Variants in TENM3 observed in about 807,000 individuals in gnomAD.
TENM3 encodes teneurin-3.
A neutral mutation model predicts 255.1 loss-of-function variants in TENM3; 63 were observed. The ratio of observed to expected loss-of-function variants is 0.25; its 90% confidence interval spans 0.20 to 0.30. TENM3 has a LOEUF of 0.30. Ranked by LOEUF, TENM3 falls within the 10% of genes least tolerant of loss-of-function variation. TENM3 has a pLI of 1.00. For missense variants in TENM3, 2,929 were observed against 3,461.1 expected, an observed-to-expected ratio of 0.85 and a Z score of 3.86; for synonymous variants, 1,306 against 1,322.3, an observed-to-expected ratio of 0.99 and a Z score of 0.27.
the TENM3 span, among the ~76,000 whole-genome samples, chr4:181,815,709 A>G: frequency 2.6e-4 from 40 of 152,184 alleles, no homozygotes; most frequent in African/African-American, 8.9e-4. Context: ...AGAAATAAGC[A>G]GAGGGTGGGG....
intron 1 of TENM3, among the ~76,000 whole-genome samples, chr4:182,321,197 C>G (rs1165696498): frequency 6.6e-6 from 1 of 152,186 alleles, no homozygotes; most frequent in African/African-American, 2.4e-5. Flanking sequence ...TTTATTCACT[C>G]TGTCAGAAAG....
At chr4:181,864,654 A>G in the TENM3 span, among the ~76,000 whole-genome samples, 1 of 152,174 alleles carries the variant, frequency 6.6e-6, no homozygotes, top group Non-Finnish European at 1.5e-5. Flanking sequence ...TCAGAGCCAA[A>G]TAAAATAGGG....
the TENM3 span, among the ~76,000 whole-genome samples, chr4:181,466,118 TTTTGTTTTG>T: frequency 2.3e-5 from 3 of 128,766 alleles, no homozygotes; most frequent in Admixed American, 2.2e-4. Flanking sequence ...GAATTTTTTT[TTTTGTTTTG>T]TTTTTTTGAG....
Position 182,324,193 on chromosome 4 carries a change from T to C in TENM3, c.173T>C (p.Leu58Pro). The C allele has an allele frequency of 6.2e-7, 1 of 1,614,002 alleles. No homozygotes were observed. The highest frequency in any genetic ancestry group is 1.1e-5 in the South Asian group (1 of 91,074). The change falls in exon 2 of 28, where the codon CTT (leucine) becomes CCT (proline). Residue 58 changes from leucine to proline, a missense_variant. Physicochemically the swap from Leu to Pro is moderately conservative, Grantham distance 98. This residue lies in a region of TENM3 where 283 missense variants were observed against 256.9 expected (regional missense o/e 1.10). Transcript: ENST00000511685. ...KAFDHDSSRL[L>P]YGNRVKDLVH... The stretch of plus-strand genomic sequence containing the variant: ...TTTGATCATGATTCCTCGCGGCTGC[T>C]TTACGGCAACAGAGTGAAGGATTTG...
the TENM3 span, among the ~76,000 whole-genome samples, chr4:182,134,714 T>C: frequency 6.6e-6 from 1 of 152,220 alleles, no homozygotes; most frequent in Non-Finnish European, 1.5e-5. Context: ...TGGCTTCTTA[T>C]GTTTTTCACT....
chr4:181,658,367 C>G, the TENM3 span, among the ~76,000 whole-genome samples: 1 of 152,248 alleles, frequency 6.6e-6, no homozygotes, highest in South Asian at 2.1e-4. Context: ...CACAGAATAA[C>G]CGTCCATATA....
intron 3 of TENM3, among the ~76,000 whole-genome samples, chr4:182,580,351 G>C (rs528458326): frequency 6.6e-6 from 1 of 152,220 alleles, no homozygotes; most frequent in Admixed American, 6.5e-5. Context: ...TAAATTCACT[G>C]TCTCATGTAC....
At chr4:181,528,958 A>G in the TENM3 span, among the ~76,000 whole-genome samples, 2 of 152,236 alleles carry the variant, frequency 1.3e-5, no homozygotes, top group African/African-American at 4.8e-5. Context: ...ATATATGTCT[A>G]TATTTAACAG....
At chr4:182,377,841 G>A (rs1471561186) in intron 3 of TENM3, among the ~76,000 whole-genome samples, 1 of 152,136 alleles carries the variant, frequency 6.6e-6, no homozygotes, top group Non-Finnish European at 1.5e-5. Flanking sequence ...TACTCTCTTA[G>A]TATATCACAA....
intron 3 of TENM3, among the ~76,000 whole-genome samples, chr4:182,366,058 A>G (rs940521231): frequency 6.6e-5 from 10 of 152,188 alleles, no homozygotes; most frequent in African/African-American, 2.2e-4. Flanking sequence ...GTGACTGTAG[A>G]GATATAGATA....
At chr4:181,908,082 G>A in the TENM3 span, among the ~76,000 whole-genome samples, 1 of 152,020 alleles carries the variant, frequency 6.6e-6, no homozygotes, top group African/African-American at 2.4e-5. Context: ...ATACCTGGGA[G>A]TGCAAGTCAC....
chr4:181,625,146 G>A, the TENM3 span, among the ~76,000 whole-genome samples: 1 of 152,192 alleles, frequency 6.6e-6, no homozygotes, highest in African/African-American at 2.4e-5. Flanking sequence ...CCTTCACATG[G>A]CAGAAGAGTG....
chr4:181,711,141 A>T, the TENM3 span, among the ~76,000 whole-genome samples: 1 of 152,208 alleles, frequency 6.6e-6, no homozygotes, highest in East Asian at 1.9e-4. Context: ...TGGCTTTTGT[A>T]TTCTAGCTGA....
At chr4:181,483,342 G>T in the TENM3 span, among the ~76,000 whole-genome samples, 2 of 152,052 alleles carry the variant, frequency 1.3e-5, no homozygotes, top group African/African-American at 2.4e-5. Context: ...CAATTAGTAC[G>T]TTCACACTAT....
the TENM3 span, among the ~76,000 whole-genome samples, chr4:182,135,095 A>C: frequency 6.6e-6 from 1 of 151,368 alleles, no homozygotes; most frequent in Non-Finnish European, 1.5e-5. Context: ...AATCCCAGCT[A>C]CTAGGAAGGC....
At chr4:182,088,693 G>T in the TENM3 span, among the ~76,000 whole-genome samples, 5 of 152,138 alleles carry the variant, frequency 3.3e-5, no homozygotes, top group African/African-American at 1.2e-4. Flanking sequence ...AATTCACTGG[G>T]CGTGGTGGCA....
rs551292739 is a variant in TENM3 at position 182,509,979 on chromosome 4, T to C, written c.512-90945T>C. On this transcript the variant is annotated intron_variant, in intron 3 of 27. Coordinates refer to ENST00000511685, the MANE Select transcript of TENM3 (RefSeq NM_001080477.4). Reference sequence around the variant, plus strand: ...AAAAATGTAGGGAGATACAGGTATATTGTTTGTAATTCAGATCTAAGATTA... The same window carrying C: ...AAAAATGTAGGGAGATACAGGTATACTGTTTGTAATTCAGATCTAAGATTA... Among the ~76,000 whole-genome samples the C allele has an allele frequency of 6.6e-5, 10 of 150,782 alleles. No individual in the cohort carries two copies. In the East Asian group the frequency reaches 1.9e-3, roughly 29 times the overall value.
the TENM3 span, among the ~76,000 whole-genome samples, chr4:182,050,322 T>A: frequency 2.8e-3 from 424 of 152,302 alleles, 1 homozygote; most frequent in Non-Finnish European, 3.7e-3. Context: ...AATTTGTGTG[T>A]ATCCCTTGTT....
At chr4:181,523,184 T>C in the TENM3 span, among the ~76,000 whole-genome samples, 1 of 152,188 alleles carries the variant, frequency 6.6e-6, no homozygotes, top group African/African-American at 2.4e-5. Flanking sequence ...TTTACCAATC[T>C]CAACATTTGA....
Sources: allele counts gnomAD v4.1 joint callset (sites outside exome capture counted in the v4.1 genomes callset), GRCh38; gene constraint gnomAD v4.1.1; regional missense constraint gnomAD v4.1.1; transcripts MANE v1.5; gene names NCBI Gene and HGNC (gene_info 2026-07-23, HGNC 2026-07-21).